The following AGPAT4 variants were observed in gnomAD, a reference collection of about 807,000 sequenced individuals.
AGPAT4 encodes 1-acylglycerol-3-phosphate O-acyltransferase 4.
A neutral mutation model predicts 48.0 loss-of-function variants in AGPAT4; 15 were observed. That is an observed-to-expected ratio of 0.31 (90% CI 0.21 to 0.48). The LOEUF (loss-of-function observed/expected upper bound fraction) is 0.48. AGPAT4 is among the 20% of genes least tolerant of loss of function. The pLI is 0.99. For missense variants in AGPAT4, 314 were observed against 482.5 expected, an observed-to-expected ratio of 0.65 and a Z score of 3.27; for synonymous variants, 178 against 198.7, an observed-to-expected ratio of 0.90 and a Z score of 0.88.
intron 2 of AGPAT4, among the ~76,000 whole-genome samples, chr6:161,190,199 T>C (rs1381563447): frequency 6.6e-6 from 1 of 152,156 alleles, no homozygotes. Context: ...ATTGTCTTCA[T>C]GGGCACATGA....
rs1781555068 is a variant in AGPAT4 at position 161,212,874 on chromosome 6, G to T, written c.178+19162C>A. ...TAACAATACAGTTATTTGCATAAGTGCAGTAAGAATCAATTTTCACTGTAA... is the reference window on the plus strand; with the variant it reads ...TAACAATACAGTTATTTGCATAAGTTCAGTAAGAATCAATTTTCACTGTAA... On this transcript the variant is annotated intron_variant, in intron 2 of 8. Coordinates refer to ENST00000320285, the MANE Select transcript of AGPAT4 (RefSeq NM_020133.3). This position sits in a 1 kb window ranked among gnomAD's most constrained non-coding sequence, Gnocchi z 6.1. 6.6e-6 allele frequency among the ~76,000 whole-genome samples: 1 copy of T among 152,194 alleles called. No individual in the cohort carries two copies. Among genetic ancestry groups the T allele is most frequent in the African/African-American group, 2.4e-5 (1 of 41,444 alleles).
In AGPAT4 at chr6:161,181,767, G is replaced by A. The variant is rs538681409; in HGVS notation, c.179-15350C>T. On this transcript the variant is annotated intron_variant, in intron 2 of 8. Coordinates refer to ENST00000320285, the MANE Select transcript of AGPAT4 (RefSeq NM_020133.3). ...ATCTGCTCTTCCCACTCACACGTCC[G>A]CACCATCAGATGGCGCTCAGGCTAG... 5.4e-4 allele frequency among the ~76,000 whole-genome samples: 82 copies of A among 152,150 alleles called. 1 individual carries two copies. The highest frequency in any genetic ancestry group is 9.6e-4 in the Non-Finnish European group (65 of 68,008).
chr6:161,203,184 G>A (rs916090265), intron 2 of AGPAT4, among the ~76,000 whole-genome samples: 2 of 152,084 alleles, frequency 1.3e-5, no homozygotes, highest in African/African-American at 4.8e-5. Flanking sequence ...ATCATTGTCT[G>A]TTATAGTCTC....
rs1781379248 is a variant in AGPAT4, at chr6:161,206,371, C to T, written c.178+25665G>A. Among the ~76,000 whole-genome samples the T allele has an allele frequency of 6.6e-6, 1 of 152,152 alleles. No individual in the cohort carries two copies. Among genetic ancestry groups the T allele is most frequent in the African/African-American group, 2.4e-5 (1 of 41,516 alleles). ...CTCAACACAATAAAGCACTCCCTCC[C>T]CTCCCAGCCAGCACACCATCCTGGA... On this transcript the variant is annotated intron_variant, in intron 2 of 8. Transcript: ENST00000320285. This position sits in a 1 kb window ranked among gnomAD's most constrained non-coding sequence, Gnocchi z 4.8.
intron 5 of AGPAT4, 40 bp downstream of exon 5, chr6:161,153,306 G>A (rs771553377): frequency 1.0e-5 from 16 of 1,574,306 alleles, no homozygotes; most frequent in Middle Eastern, 1.7e-4. Context: ...TGTCTTCCTC[G>A]CTGCCACGGG....
Position 161,137,444 on chromosome 6 carries a change from G to C in AGPAT4, c.1043-810C>G, listed in dbSNP as rs1192630513. On this transcript the variant is annotated intron_variant, in intron 8 of 8. Transcript: ENST00000320285. This position sits in a 1 kb window ranked among gnomAD's most constrained non-coding sequence, Gnocchi z 6.1. ...ATTATCTAGCATTAGCATCGCGGTCGATAAACTAACTGGGACATGGATGCA... is the reference window on the plus strand; with the variant it reads ...ATTATCTAGCATTAGCATCGCGGTCCATAAACTAACTGGGACATGGATGCA... Among the ~76,000 whole-genome samples, 1 of 152,166 alleles carries C rather than the reference G, an allele frequency of 6.6e-6. No homozygotes were observed. The highest frequency in any genetic ancestry group is 2.4e-5 in the African/African-American group (1 of 41,426).
chr6:161,145,276 C>T (rs1685960976), intron 7 of AGPAT4, among the ~76,000 whole-genome samples: 2 of 151,690 alleles, frequency 1.3e-5, no homozygotes, highest in South Asian at 2.1e-4. Flanking sequence ...GACAGAATCA[C>T]TGGGGTTCGG....
At position 161,232,767 on chromosome 6, in the gene AGPAT4, C is replaced by T. The variant is rs1313416523; in HGVS notation, c.-89-465G>A. Reference sequence around the variant, plus strand: ...ATCTCCCTCCTCTCATTCTCCTCCTCCAGATCCCTGCTCACCCCTCGCTTC... The same window carrying T: ...ATCTCCCTCCTCTCATTCTCCTCCTTCAGATCCCTGCTCACCCCTCGCTTC... On this transcript the variant is annotated intron_variant, in intron 1 of 8. Transcript: ENST00000320285. The surrounding 1 kb of genome is among the most constrained non-coding windows in gnomAD (Gnocchi z 6.8). Among the ~76,000 whole-genome samples the T allele has an allele frequency of 2.0e-5, 3 of 152,158 alleles. No individual in the cohort carries two copies. Among genetic ancestry groups the T allele is most frequent in the Non-Finnish European group, 4.4e-5 (3 of 68,022 alleles).
intron 2 of AGPAT4, among the ~76,000 whole-genome samples, chr6:161,203,880 T>C (rs1367288840): frequency 6.6e-6 from 1 of 152,204 alleles, no homozygotes; most frequent in Non-Finnish European, 1.5e-5. Context: ...TTGGTTTTAG[T>C]TTCCCCCTGC....
rs1334568008 is a variant in AGPAT4, at chr6:161,255,161, C to T, written c.-90+18777G>A. Among the ~76,000 whole-genome samples, 1 of 152,216 alleles carries T rather than the reference C, an allele frequency of 6.6e-6. No homozygotes were observed. Among genetic ancestry groups the T allele is most frequent in the African/African-American group, 2.4e-5 (1 of 41,458 alleles). ...TCATCTTTCCCTGTAATACCTCACA[C>T]ATCCAGTTCTCCTTCATTAGCTCTA... On this transcript the variant is annotated intron_variant, in intron 1 of 8. Transcript: ENST00000320285. This position sits in a 1 kb window ranked among gnomAD's most constrained non-coding sequence, Gnocchi z 4.7.
chr6:161,270,207 G>A lies in AGPAT4; in HGVS notation c.-90+3731C>T, dbSNP rs1002220744. Among the ~76,000 whole-genome samples, 2 of 152,142 alleles carry A rather than the reference G, an allele frequency of 1.3e-5. No homozygotes were observed. The highest frequency in any genetic ancestry group is 2.9e-5 in the Non-Finnish European group (2 of 68,036). ...GTGGGACCTGACACCTATTAAACAC[G>A]TAATAAACAGCTGTTGAAGAAAGAG... On this transcript the variant is annotated intron_variant, in intron 1 of 8. Transcript: ENST00000320285. The surrounding 1 kb of genome is among the most constrained non-coding windows in gnomAD (Gnocchi z 5.3).
chr6:161,214,198 A>G lies in AGPAT4; in HGVS notation c.178+17838T>C, dbSNP rs1031388717. On this transcript the variant is annotated intron_variant, in intron 2 of 8. Transcript: ENST00000320285. This position sits in a 1 kb window ranked among gnomAD's most constrained non-coding sequence, Gnocchi z 5.4. ...GCCTTTCCAGACCAAACCAATGTTCATGTTACATCTGTTGATTGATGTCTC... is the reference window on the plus strand; with the variant it reads ...GCCTTTCCAGACCAAACCAATGTTCGTGTTACATCTGTTGATTGATGTCTC... Among the ~76,000 whole-genome samples the G allele has an allele frequency of 1.3e-5, 2 of 152,166 alleles. No homozygotes were observed. The highest frequency in any genetic ancestry group is 4.8e-5 in the African/African-American group (2 of 41,432).
rs772157859 is a variant in AGPAT4 at position 161,149,946 on chromosome 6, C to T, written c.665-657G>A. On this transcript the variant is annotated intron_variant, in intron 5 of 8. Coordinates refer to ENST00000320285, the MANE Select transcript of AGPAT4 (RefSeq NM_020133.3). The surrounding 1 kb of genome is among the most constrained non-coding windows in gnomAD (Gnocchi z 6.5). Reference sequence around the variant, plus strand: ...GCCTATCATTTCAGTCAAGAAACACCGAAATTTGAACAAGTGTGGATGATA... The same window carrying T: ...GCCTATCATTTCAGTCAAGAAACACTGAAATTTGAACAAGTGTGGATGATA... Among the ~76,000 whole-genome samples, 9 of 152,050 alleles carry T rather than the reference C, an allele frequency of 5.9e-5. No individual in the cohort carries two copies. The East Asian group carries it at 7.7e-4, about 13-fold the overall frequency.
rs1194449155 is a variant in AGPAT4, at chr6:161,221,562, A to G, written c.178+10474T>C. Among the ~76,000 whole-genome samples, 1 of 152,178 alleles carries G rather than the reference A, an allele frequency of 6.6e-6. No homozygotes were observed. The highest frequency in any genetic ancestry group is 1.9e-4 in the East Asian group (1 of 5,190). ...GGACTTCACTTTGGACTTCACCACC[A>G]CAGTAGAAGAAAAGACTTAGAACGC... On this transcript the variant is annotated intron_variant, in intron 2 of 8. Transcript: ENST00000320285. This position sits in a 1 kb window ranked among gnomAD's most constrained non-coding sequence, Gnocchi z 4.5.
intron 2 of AGPAT4, among the ~76,000 whole-genome samples, chr6:161,168,504 T>C (rs1780172545): frequency 6.6e-6 from 1 of 151,894 alleles, no homozygotes; most frequent in African/African-American, 2.4e-5. Context: ...AGCGTGAGGT[T>C]CTCTCCCCTA....
rs1783040351 is a variant in AGPAT4 at position 161,259,475 on chromosome 6, G to A, written c.-90+14463C>T. Among the ~76,000 whole-genome samples the A allele has an allele frequency of 6.6e-6, 1 of 151,980 alleles. No homozygotes were observed. The highest frequency in any genetic ancestry group is 2.4e-5 in the African/African-American group (1 of 41,422). On this transcript the variant is annotated intron_variant, in intron 1 of 8. Transcript: ENST00000320285. The surrounding 1 kb of genome is among the most constrained non-coding windows in gnomAD (Gnocchi z 4.9). ...CCGGTCTTTTGCAGGGCGGTCTGGA[G>A]TTGGTTGAGTCTAGAGTTAGTGAGT...
At chr6:161,168,892 T>C (rs1274949514) in intron 2 of AGPAT4, among the ~76,000 whole-genome samples, 2 of 152,200 alleles carry the variant, frequency 1.3e-5, no homozygotes, top group East Asian at 1.9e-4. Context: ...TGTTTCTCAA[T>C]GTCCCCCTTC....
intron 1 of AGPAT4, among the ~76,000 whole-genome samples, chr6:161,239,972 C>T (rs1471722593): frequency 6.6e-6 from 1 of 151,998 alleles, no homozygotes; most frequent in Non-Finnish European, 1.5e-5. Context: ...ACTACTGTTT[C>T]CAATGCCAAA....
Position 161,219,234 on chromosome 6 carries a change from T to G in AGPAT4, c.178+12802A>C, listed in dbSNP as rs1307563059. Reference sequence around the variant, plus strand: ...CATAGCTAAGGCAGTGGTCTTTCAATGTTTTTGATTCCTTAAAAAAAAAAT... The same window carrying G: ...CATAGCTAAGGCAGTGGTCTTTCAAGGTTTTTGATTCCTTAAAAAAAAAAT... On this transcript the variant is annotated intron_variant, in intron 2 of 8. Transcript: ENST00000320285. This position sits in a 1 kb window ranked among gnomAD's most constrained non-coding sequence, Gnocchi z 4.9. Among the ~76,000 whole-genome samples the G allele has an allele frequency of 6.6e-6, 1 of 152,102 alleles. No homozygotes were observed. The highest frequency in any genetic ancestry group is 6.5e-5 in the Admixed American group (1 of 15,270).
Sources: gnomAD v4.1 joint callset for allele counts (sites outside exome capture counted in the v4.1 genomes callset) on GRCh38, gnomAD v4.1.1 for gene constraint, Gnocchi (gnomAD v3.1) non-coding constraint, MANE v1.5 for transcripts, NCBI Gene and HGNC (gene_info 2026-07-23, HGNC 2026-07-21) for gene names.